Variants in SH3BP5L observed in about 807,000 individuals in gnomAD.
The protein encoded by SH3BP5L is SH3 binding domain protein 5 like.
SH3BP5L carries 16 observed loss-of-function variants against 40.9 expected under a neutral mutation model. That is an observed-to-expected ratio of 0.39 (90% confidence interval 0.27 to 0.59). The LOEUF (loss-of-function observed/expected upper bound fraction) is 0.59, where lower values mean the gene tolerates loss of function less well. Ranked by LOEUF, SH3BP5L falls within the 20% of genes least tolerant of loss-of-function variation. SH3BP5L has a pLI of 0.53. For synonymous variants in SH3BP5L, 229 were observed against 226.7 expected (o/e 1.01, Z -0.09); for missense variants, 471 against 544.6 (o/e 0.86, Z 1.35).
chr1:248,822,258 T>A (rs1664270752), intron 2 of SH3BP5L, among the ~76,000 whole-genome samples: 1 of 152,082 alleles, frequency 6.6e-6, no homozygotes, highest in African/African-American at 2.4e-5. Flanking sequence ...AATCTCCTCC[T>A]CATCTTGAAA....
At chr1:248,813,688 C>T (rs1558226803) in intron 5 of SH3BP5L, 1 of 153,662 alleles carries the variant, frequency 6.5e-6, no homozygotes, top group Non-Finnish European at 1.4e-5. Context: ...CCGTCCAGGA[C>T]AAGTGGGCCG....
At position 248,812,208 on chromosome 1, in the gene SH3BP5L, CG is replaced by C; in HGVS notation, c.873del (p.Val292TrpfsTer42). 1 of 1,603,068 alleles carries C rather than the reference CG, an allele frequency of 6.2e-7. No individual in the cohort carries two copies. The part of the protein sequence containing the change: ...PHPLGPRRSS[P>X]VGAEAGPEDM... ...TCCTCGGGTCCTGCCTCGGCCCCCA[CG>C]GGGGAGGAGCGCCGAGGGCCCAGGG... On this transcript the variant is annotated frameshift_variant, in exon 7 of 7. Transcript: ENST00000366472. LOFTEE classifies it high-confidence loss of function. The surrounding 1 kb of genome is among the most constrained non-coding windows in gnomAD (Gnocchi z 6.1).
intron 4 of SH3BP5L, 133 bp downstream of exon 4, chr1:248,816,401 C>A: frequency 8.7e-7 from 1 of 1,146,246 alleles, no homozygotes; most frequent in East Asian, 2.5e-5. Flanking sequence ...AGAGCTGGTT[C>A]CGACCAGCCA....
chr1:248,819,310 A>G (rs1474963687), intron 2 of SH3BP5L, among the ~76,000 whole-genome samples: 1 of 151,922 alleles, frequency 6.6e-6, no homozygotes, highest in Non-Finnish European at 1.5e-5. Flanking sequence ...GGGATGTCCA[A>G]TCTTTTTGCT....
chr1:248,825,763 T>G, intron 1 of SH3BP5L, 72 bp downstream of exon 1: 1 of 534,254 alleles, frequency 1.9e-6, no homozygotes, highest in Non-Finnish European at 2.4e-6. Flanking sequence ...TCCACACTCT[T>G]CCGCAATCCC....
At chr1:248,819,348 G>A (rs1294934129) in intron 2 of SH3BP5L, among the ~76,000 whole-genome samples, 1 of 150,960 alleles carries the variant, frequency 6.6e-6, no homozygotes, top group African/African-American at 2.4e-5. Flanking sequence ...AAGAAGAACT[G>A]TCCTGGGCCA....
rs546686763 is a variant in SH3BP5L at position 248,825,358 on chromosome 1, TCTGGGG to T, written c.-429_-424del. 8.6e-5 allele frequency: 86 copies of T among 998,706 alleles called. No individual in the cohort carries two copies. The East Asian group carries it at 7.1e-3, about 82-fold the overall frequency. 61.9% of individuals were successfully genotyped at this position (998,706 alleles called of 1,614,324 possible). A position where few individuals can be genotyped will look rare whatever the true frequency, so the allele number is the denominator to read the frequency against. On this transcript the variant is annotated splice_region_variant and 5_prime_UTR_variant, in exon 2 of 7. Coordinates refer to ENST00000366472, the MANE Select transcript of SH3BP5L (RefSeq NM_030645.3). ...GAGCTGAGGCTGTAGGATGAGCGTC[TCTGGGG>T]AGCTGCAGAGAAACAAAGGCCAAGT... is the stretch of plus-strand genomic sequence containing the variant.
At chr1:248,822,815 A>G (rs1664286070) in intron 2 of SH3BP5L, among the ~76,000 whole-genome samples, 1 of 152,090 alleles carries the variant, frequency 6.6e-6, no homozygotes, top group African/African-American at 2.4e-5. Flanking sequence ...GGCACCCGCC[A>G]CAACACCTGG....
chr1:248,824,770 G>C lies in SH3BP5L; in HGVS notation c.166C>G (p.Leu56Val). Residue 56 changes from leucine (L) to valine (V), a missense_variant, in exon 2 of 7, where the codon CTG becomes GTG. This residue lies in a region of SH3BP5L where 275 missense variants were observed against 370.1 expected (regional missense o/e 0.74). Transcript: ENST00000366472. Reference sequence around the variant, plus strand: ...GCTCTCACCTGTATTCTAGGATCCAGTTCTTCCTCCTCTCTTGGGGACAAT... The same window carrying C: ...GCTCTCACCTGTATTCTAGGATCCACTTCTTCCTCCTCTCTTGGGGACAAT... ...AKLSPREEEELDPRIQEELEH... is the reference protein window; with the variant it reads ...AKLSPREEEEVDPRIQEELEH... 1 of 1,613,976 alleles carries C rather than the reference G, an allele frequency of 6.2e-7. No homozygotes were observed. The highest frequency in any genetic ancestry group is 8.5e-7 in the Non-Finnish European group (1 of 1,179,888).
Position 248,816,585 on chromosome 1 carries a change from G to A in SH3BP5L, c.324C>T (p.Ser108=). The A allele has an allele frequency of 6.2e-7, 1 of 1,614,186 alleles. No homozygotes were observed. The highest frequency in any genetic ancestry group is 1.1e-5 in the South Asian group (1 of 91,088). The change falls in exon 4 of 7, where the codon AGC becomes AGT. Residue 108 remains serine, a synonymous_variant. Coordinates refer to ENST00000366472, the MANE Select transcript of SH3BP5L (RefSeq NM_030645.3). The stretch of plus-strand genomic sequence containing the variant: ...AGTAGGGCCGGGCTTTCTCGATGCA[G>A]CTCCCCAAGTGGGAACCCTGTGTAT... ...KLNTQGSHLG[S]CIEKARPYYE... is the part of the protein sequence containing the mutation.
intron 3 of SH3BP5L, 70 bp from the exon 4 acceptor site, chr1:248,816,732 C>T (rs763534242): frequency 2.4e-5 from 39 of 1,611,626 alleles, no homozygotes; most frequent in Middle Eastern, 1.6e-4. Flanking sequence ...CAGACACACC[C>T]CTCCCACCGC....
Position 248,816,859 on chromosome 1 carries a change from G to C in SH3BP5L, c.209C>G (p.Ala70Gly). The stretch of plus-strand genomic sequence containing the variant: ...TTCCACCTGGTTGATCTCCTCGCTG[G>C]CCTGGTTCAGGTGCTCCAACTCCTC... ...IQEELEHLNQ[A>G]SEEINQVELQ... The change falls in exon 3 of 7, where the codon GCC becomes GGC. Residue 70 changes from alanine to glycine, a missense_variant. Transcript: ENST00000366472. 1.2e-6 allele frequency: 2 copies of C among 1,614,170 alleles called. No individual in the cohort carries two copies. Among genetic ancestry groups the C allele is most frequent in the Non-Finnish European group, 1.7e-6 (2 of 1,180,034 alleles).
rs1465136409 is a variant in SH3BP5L at position 248,813,417 on chromosome 1, C to A, written c.538-255G>T. 16 of 393,642 alleles carry A rather than the reference C, an allele frequency of 4.1e-5. No homozygotes were observed. In the South Asian group the frequency reaches 6.4e-4, roughly 16 times the overall value. The allele number at this position is 393,642 out of a possible 1,614,324, so 24.4% of individuals were successfully genotyped here. A position where few individuals can be genotyped will look rare whatever the true frequency, so the allele number is the denominator to read the frequency against. ...ATCACAGGCACATGCCTCTGAGCCA[C>A]GTCTTCCCCATGTTCTTGCCTAGTG... On this transcript the variant is annotated intron_variant, in intron 5 of 6. Coordinates refer to ENST00000366472, the MANE Select transcript of SH3BP5L (RefSeq NM_030645.3).
chr1:248,816,755 C>T (rs1447506185), intron 3 of SH3BP5L, 67 bp downstream of exon 3: 1 of 1,612,750 alleles, frequency 6.2e-7, no homozygotes, highest in Non-Finnish European at 8.5e-7. Flanking sequence ...CTGCCTCAAT[C>T]TGGGAAAGAG....
At chr1:248,817,397 C>T (rs1029541431) in intron 2 of SH3BP5L, among the ~76,000 whole-genome samples, 3 of 152,168 alleles carry the variant, frequency 2.0e-5, no homozygotes, top group Non-Finnish European at 2.9e-5. Context: ...TGTAAGGAAA[C>T]CCAGCAAGTC....
At position 248,811,638 on chromosome 1, in the gene SH3BP5L, T is replaced by C; in HGVS notation, c.*262A>G. On this transcript the variant is annotated 3_prime_UTR_variant, in exon 7 of 7. Coordinates refer to ENST00000366472, the MANE Select transcript of SH3BP5L (RefSeq NM_030645.3). ...CAATGCCCTGCAGATCGTGATGAGC[T>C]GGCAGGCAGAGGCAGACAGAGCGCC... The C allele has an allele frequency of 2.0e-6, 1 of 487,958 alleles. No individual in the cohort carries two copies. Among genetic ancestry groups the C allele is most frequent in the Non-Finnish European group, 3.6e-6 (1 of 276,506 alleles). 30.2% of individuals were successfully genotyped at this position (487,958 alleles called of 1,614,324 possible).
intron 5 of SH3BP5L, 72 bp from the exon 6 acceptor site, chr1:248,813,234 C>T: frequency 1.4e-6 from 2 of 1,414,214 alleles, no homozygotes; most frequent in Non-Finnish European, 1.9e-6. Flanking sequence ...GGCTGCCAAT[C>T]TGAACAACGC....
intron 2 of SH3BP5L, chr1:248,817,190 G>A: frequency 1.7e-6 from 1 of 588,646 alleles, no homozygotes; most frequent in South Asian, 1.7e-5. Flanking sequence ...TGAAGTTGTG[G>A]TGAGCCCTCA....
In SH3BP5L at chr1:248,821,917, C is replaced by G. The variant is rs140571474; in HGVS notation, c.183+2836G>C. ...GTCAGACAGGGCCTCATCCGAAGGACAGCCATTTCCGGGAGCCTCAGAAAA... is the reference window on the plus strand; with the variant it reads ...GTCAGACAGGGCCTCATCCGAAGGAGAGCCATTTCCGGGAGCCTCAGAAAA... On this transcript the variant is annotated intron_variant, in intron 2 of 6. Transcript: ENST00000366472. This position sits in a 1 kb window ranked among gnomAD's most constrained non-coding sequence, Gnocchi z 4.6. Among the ~76,000 whole-genome samples, 304 of 152,310 alleles carry G rather than the reference C, an allele frequency of 2.0e-3. No individual in the cohort carries two copies. Among genetic ancestry groups the G allele is most frequent in the African/African-American group, 7.0e-3 (290 of 41,572 alleles).
Sources: allele counts gnomAD v4.1 joint callset (sites outside exome capture counted in the v4.1 genomes callset), GRCh38; gene constraint gnomAD v4.1.1; regional missense constraint gnomAD v4.1.1; non-coding constraint Gnocchi (gnomAD v3.1); transcripts MANE v1.5; gene names NCBI Gene and HGNC (gene_info 2026-07-23, HGNC 2026-07-21).